The following PLPBP variants were observed in gnomAD, a reference collection of about 807,000 sequenced individuals.
PLPBP encodes the protein pyridoxal phosphate homeostasis protein.
Under a neutral mutation model 31.2 loss-of-function variants are expected in PLPBP, and 21 were observed. The ratio of observed to expected loss-of-function variants is 0.67; its 90% CI spans 0.48 to 0.97. PLPBP has a LOEUF of 0.97. PLPBP is among the 50% of genes least tolerant of loss of function. The probability of loss-of-function intolerance (pLI) is 0.00; values close to 1 mark genes in which losing one functional copy is unlikely to be tolerated. For synonymous variants in PLPBP, 124 were observed against 135.6 expected (o/e 0.91, Z 0.59); for missense variants, 308 against 354.4 (o/e 0.87, Z 1.05).
At position 37,779,054 on chromosome 8, in the gene PLPBP, C is replaced by G. The variant is rs1008606168; in HGVS notation, c.*950C>G. 3 of 151,844 alleles carry G rather than the reference C, an allele frequency of 2.0e-5. No homozygotes were observed. The highest frequency in any genetic ancestry group is 4.4e-5 in the Non-Finnish European group (3 of 67,988). 9.4% of individuals were successfully genotyped at this position (151,844 alleles called of 1,614,324 possible). A position where few individuals can be genotyped will look rare whatever the true frequency, so the allele number is the denominator to read the frequency against. On this transcript the variant is annotated 3_prime_UTR_variant, in exon 8 of 8. Coordinates refer to ENST00000328195, the MANE Select transcript of PLPBP (RefSeq NM_007198.4). ...CCCAACTTTTTTAGAGACAGCCTGT[C>G]TCTTAAAAAAAAAATTAATTTGGTA...
chr8:37,767,848 C>T (rs1803675923), intron 4 of PLPBP, among the ~76,000 whole-genome samples: 1 of 146,826 alleles, frequency 6.8e-6, no homozygotes, highest in Non-Finnish European at 1.5e-5. Flanking sequence ...CTCTGTCGCC[C>T]AAGCTGGAGT....
intron 3 of PLPBP, 59 bp from the exon 4 acceptor site, chr8:37,766,221 T>G (rs1480464088): frequency 1.5e-6 from 2 of 1,362,756 alleles, no homozygotes; most frequent in Non-Finnish European, 2.0e-6. Flanking sequence ...CACGAGGCGT[T>G]TGAGCCAGCA....
chr8:37,771,750 A>G (rs1378609735), intron 4 of PLPBP, among the ~76,000 whole-genome samples: 1 of 152,130 alleles, frequency 6.6e-6, no homozygotes, highest in African/African-American at 2.4e-5. Flanking sequence ...TCACGAGGTA[A>G]GGAGTTCAAG....
At chr8:37,777,377 G>A (rs897049116) in intron 7 of PLPBP, among the ~76,000 whole-genome samples, 3 of 152,130 alleles carry the variant, frequency 2.0e-5, no homozygotes, top group East Asian at 1.9e-4. Context: ...CTGTGTGGCT[G>A]CGTCTCACAC....
At position 37,775,907 on chromosome 8, in the gene PLPBP, C is replaced by G; in HGVS notation, c.598-11C>G. ...GGCAGGAGTAAAATAGGTGTCATCTCTTTCTGTCAGCTGTTATTGTCCCTC... is the reference window on the plus strand; with the variant it reads ...GGCAGGAGTAAAATAGGTGTCATCTGTTTCTGTCAGCTGTTATTGTCCCTC... On this transcript the variant is annotated splice_polypyrimidine_tract_variant and intron_variant, in intron 6 of 7. Transcript: ENST00000328195. The G allele has an allele frequency of 6.2e-7, 1 of 1,604,824 alleles. No homozygotes were observed. Among genetic ancestry groups the G allele is most frequent in the Non-Finnish European group, 8.5e-7 (1 of 1,174,132 alleles).
rs1184907076 is a variant in PLPBP, at chr8:37,772,843, T to G, written c.408T>G (p.Pro136=). 6.2e-7 allele frequency: 1 copy of G among 1,614,190 alleles called. No homozygotes were observed. The highest frequency in any genetic ancestry group is 8.5e-7 in the Non-Finnish European group (1 of 1,180,012). Residue 136 remains proline (P), a synonymous_variant, in exon 5 of 8, where the codon CCT becomes CCG. Transcript: ENST00000328195. ...GTTCCTGGCAGAGAAAAGGTTCTCC[T>G]GAAAGGTTAAAGGTTATGGTCCAGA... ...VNSSWQRKGS[P]ERLKVMVQIN...
At position 37,772,087 on chromosome 8, in the gene PLPBP, C is replaced by T. The variant is rs139204996; in HGVS notation, c.320-668C>T. On this transcript the variant is annotated intron_variant, in intron 4 of 7. Coordinates refer to ENST00000328195, the MANE Select transcript of PLPBP (RefSeq NM_007198.4). ...CATAGCACCAAGTTCTATATCCAAG[C>T]TTTGTTTTTGTAATAAAAAATAAGA... Among the ~76,000 whole-genome samples, 833 of 152,328 alleles carry T rather than the reference C, an allele frequency of 5.5e-3. 10 individuals carry two copies. Among genetic ancestry groups the T allele is most frequent in the African/African-American group, 0.019 (789 of 41,574 alleles).
Position 37,779,692 on chromosome 8 carries a change from C to T in PLPBP, c.*1588C>T, listed in dbSNP as rs1027811246. 1.3e-5 allele frequency: 2 copies of T among 152,618 alleles called. No individual in the cohort carries two copies. The highest frequency in any genetic ancestry group is 1.5e-5 in the Non-Finnish European group (1 of 68,036). 9.5% of individuals were successfully genotyped at this position (152,618 alleles called of 1,614,324 possible). On this transcript the variant is annotated 3_prime_UTR_variant, in exon 8 of 8. Coordinates refer to ENST00000328195, the MANE Select transcript of PLPBP (RefSeq NM_007198.4). ...GAGCTACAGTGTGATATTTCAGAGT[C>T]TATTAAATAAAAATGTGAGTTTGAA...
In PLPBP at chr8:37,765,704, C is replaced by G; in HGVS notation, c.208-7C>G. ...GGCTTCTGACTTGTTCTGTTTTGAC[C>G]TTTTAGGTTCAGGAACTGCTAGAAA... is the stretch of plus-strand genomic sequence containing the variant. On this transcript the variant is annotated splice_polypyrimidine_tract_variant and splice_region_variant and intron_variant, in intron 2 of 7. Transcript: ENST00000328195. 1.2e-6 allele frequency: 2 copies of G among 1,614,050 alleles called. No individual in the cohort carries two copies. Among genetic ancestry groups the G allele is most frequent in the Non-Finnish European group, 1.7e-6 (2 of 1,180,016 alleles).
intron 7 of PLPBP, among the ~76,000 whole-genome samples, chr8:37,777,089 T>C (rs537560698): frequency 8.5e-4 from 129 of 152,278 alleles, no homozygotes; most frequent in African/African-American, 3.0e-3. Context: ...TATGTGTAGA[T>C]TCACCAACAA....
chr8:37,772,813 G>A lies in PLPBP; in HGVS notation c.378G>A (p.Val126=), dbSNP rs148228365. 8 of 1,614,036 alleles carry A rather than the reference G, an allele frequency of 5.0e-6. No homozygotes were observed. The highest frequency in any genetic ancestry group is 6.8e-6 in the Non-Finnish European group (8 of 1,180,012). ...TVDSVKLADK[V]NSSWQRKGSP... is the part of the protein sequence containing the mutation. The stretch of plus-strand genomic sequence containing the variant: ...ATTCTGTGAAGTTGGCAGACAAAGT[G>A]AACAGTTCCTGGCAGAGAAAAGGTT... Residue 126 remains valine, a synonymous_variant, in exon 5 of 8, where the codon GTG becomes GTA. Transcript: ENST00000328195.
intron 7 of PLPBP, among the ~76,000 whole-genome samples, 196 bp downstream of exon 7, chr8:37,776,212 G>A (rs546136282): frequency 3.8e-4 from 58 of 152,112 alleles, no homozygotes; most frequent in Non-Finnish European, 5.4e-4. Flanking sequence ...GTGCGGTGGC[G>A]CACGCCTGTA....
chr8:37,777,918 G>A, intron 7 of PLPBP, 55 bp from the exon 8 acceptor site: 1 of 1,555,310 alleles, frequency 6.4e-7, no homozygotes. Context: ...TTCAGCACTG[G>A]CTCCATTTTA....
At chr8:37,769,010 C>A (rs1272018890) in intron 4 of PLPBP, among the ~76,000 whole-genome samples, 1 of 152,098 alleles carries the variant, frequency 6.6e-6, no homozygotes, top group East Asian at 1.9e-4. Flanking sequence ...TTGGGCTTTT[C>A]TAAGCAAGAC....
At chr8:37,762,625 C>T (rs1803504005), upstream of PLPBP, 5 of 1,547,316 alleles carry the variant, frequency 3.2e-6, no homozygotes, top group South Asian at 1.2e-5. Context: ...CCACGGGCTG[C>T]CGGGGGCCTG....
At chr8:37,777,201 G>C (rs1220349146) in intron 7 of PLPBP, among the ~76,000 whole-genome samples, 1 of 152,146 alleles carries the variant, frequency 6.6e-6, no homozygotes, top group Admixed American at 6.5e-5. Flanking sequence ...ACTTGATAAA[G>C]TTTCAAAAAT....
intron 6 of PLPBP, 61 bp downstream of exon 6, chr8:37,775,542 G>T (rs1803879926): frequency 1.9e-6 from 3 of 1,605,170 alleles, no homozygotes; most frequent in Non-Finnish European, 2.6e-6. Context: ...GAGTGCTATT[G>T]CAGGGCTGGC....
intron 4 of PLPBP, among the ~76,000 whole-genome samples, chr8:37,769,509 TC>T (rs1206466130): frequency 2.7e-5 from 4 of 150,030 alleles, no homozygotes; most frequent in Admixed American, 2.6e-4. Flanking sequence ...GAGCTACAAA[TC>T]TTTTTGTTTA....
chr8:37,772,924 C>T, intron 5 of PLPBP, 35 bp downstream of exon 5: 1 of 1,611,768 alleles, frequency 6.2e-7, no homozygotes, highest in Non-Finnish European at 8.5e-7. Context: ...GATTTTTCTT[C>T]CTTTAGGATG....
Sources: gnomAD v4.1 joint callset for allele counts (sites outside exome capture counted in the v4.1 genomes callset) on GRCh38, gnomAD v4.1.1 for gene constraint, MANE v1.5 for transcripts, NCBI Gene and HGNC (gene_info 2026-07-23, HGNC 2026-07-21) for gene names.